Variants in LRRC37A2 observed in about 807,000 individuals in gnomAD.
LRRC37A2 encodes the protein leucine-rich repeat-containing protein 37A2.
In LRRC37A2, 9 loss-of-function variants were observed where a neutral mutation model predicts 68.8. The ratio of observed to expected loss-of-function variants is 0.13; its 90% CI spans 0.08 to 0.23. The LOEUF (loss-of-function observed/expected upper bound fraction) is 0.23. Among genes scored for constraint, LRRC37A2 ranks in the 10% least tolerant of loss-of-function variants. LRRC37A2 has a pLI of 1.00. For synonymous variants in LRRC37A2, 63 were observed against 367.6 expected, an observed-to-expected ratio of 0.17 and a Z score of 9.48; for missense variants, 168 against 950.4, an observed-to-expected ratio of 0.18 and a Z score of 10.82.
chr17:46,799,384 C>T, the LRRC37A2 span, among the ~76,000 whole-genome samples: 3 of 151,738 alleles, frequency 2.0e-5, no homozygotes, highest in Non-Finnish European at 4.4e-5. Context: ...AACCCTGCTA[C>T]ATTAGATGAC....
the LRRC37A2 span, among the ~76,000 whole-genome samples, chr17:46,946,016 C>T: frequency 6.6e-6 from 1 of 152,162 alleles, no homozygotes; most frequent in Admixed American, 6.5e-5. Flanking sequence ...AATCCAGGGG[C>T]CCTGGGAGAC....
At chr17:46,994,463 G>T in the LRRC37A2 span, among the ~76,000 whole-genome samples, 2 of 152,052 alleles carry the variant, frequency 1.3e-5, no homozygotes, top group African/African-American at 4.8e-5. Flanking sequence ...AGAAAGGAAT[G>T]GGGGAGGCTT....
the LRRC37A2 span, among the ~76,000 whole-genome samples, chr17:46,657,956 A>T: frequency 1.3e-5 from 1 of 78,752 alleles, no homozygotes; most frequent in African/African-American, 6.7e-5. Context: ...TTTTGTTTTT[A>T]TTTTATTTTA....
the LRRC37A2 span, among the ~76,000 whole-genome samples, chr17:46,785,950 A>C: frequency 6.6e-6 from 1 of 152,230 alleles, no homozygotes; most frequent in East Asian, 1.9e-4. Context: ...GCTCTGGCTG[A>C]TCTGATAAGA....
chr17:46,726,782 G>C, the LRRC37A2 span, among the ~76,000 whole-genome samples: 1 of 152,182 alleles, frequency 6.6e-6, no homozygotes, highest in African/African-American at 2.4e-5. Context: ...TGACATCAAT[G>C]ATAGTATTCA....
At chr17:46,970,748 G>T in the LRRC37A2 span, among the ~76,000 whole-genome samples, 1 of 152,164 alleles carries the variant, frequency 6.6e-6, no homozygotes, top group African/African-American at 2.4e-5. Context: ...AGTGATGTTT[G>T]CATAAAAGAG....
At chr17:46,707,246 C>T in the LRRC37A2 span, among the ~76,000 whole-genome samples, 3 of 152,188 alleles carry the variant, frequency 2.0e-5, no homozygotes, top group Non-Finnish European at 4.4e-5. Flanking sequence ...AGCATTTCTC[C>T]ATATGTTAAT....
the LRRC37A2 span, among the ~76,000 whole-genome samples, chr17:46,403,565 A>G: frequency 1.2e-5 from 1 of 85,096 alleles, no homozygotes; most frequent in Non-Finnish European, 3.0e-5. Flanking sequence ...GAGTATAGGA[A>G]GATTCTATAT....
At chr17:46,988,634 T>TG in the LRRC37A2 span, among the ~76,000 whole-genome samples, 1 of 151,772 alleles carries the variant, frequency 6.6e-6, no homozygotes, top group Non-Finnish European at 1.5e-5. Flanking sequence ...GTGGGCGGAG[T>TG]GGTCAGGCCA....
the LRRC37A2 span, among the ~76,000 whole-genome samples, chr17:46,731,964 G>A: frequency 6.6e-6 from 1 of 152,292 alleles, no homozygotes; most frequent in East Asian, 1.9e-4. Context: ...TTTTCAGGCT[G>A]ATCCAAGTGT....
chr17:46,811,038 C>T, the LRRC37A2 span, among the ~76,000 whole-genome samples: 3 of 152,076 alleles, frequency 2.0e-5, no homozygotes, highest in Non-Finnish European at 4.4e-5. Context: ...TGAGAAGGCC[C>T]GCCTCAGGGG....
chr17:46,906,151 C>T, the LRRC37A2 span, among the ~76,000 whole-genome samples: 1 of 152,196 alleles, frequency 6.6e-6, no homozygotes, highest in Non-Finnish European at 1.5e-5. Flanking sequence ...CTCCTGAGAT[C>T]CAGCCCATGA....
the LRRC37A2 span, among the ~76,000 whole-genome samples, chr17:46,846,644 C>T: frequency 6.6e-6 from 1 of 152,258 alleles, no homozygotes; most frequent in Non-Finnish European, 1.5e-5. Flanking sequence ...AGGGCTGCTT[C>T]TCTGCATTCA....
the LRRC37A2 span, chr17:46,922,955 C>G: frequency 2.0e-5 from 12 of 591,960 alleles, no homozygotes; most frequent in South Asian, 2.2e-4. Flanking sequence ...ACATGTACAC[C>G]GCCTTGCCCT....
chr17:46,893,008 A>G, the LRRC37A2 span, among the ~76,000 whole-genome samples: 1 of 151,420 alleles, frequency 6.6e-6, no homozygotes, highest in South Asian at 2.1e-4. Context: ...CGATCTTGGC[A>G]CACTGCAACC....
the LRRC37A2 span, among the ~76,000 whole-genome samples, chr17:46,610,027 T>TTCTTTCTTTCTCTCTC: frequency 1.4e-4 from 15 of 109,534 alleles, no homozygotes; most frequent in African/African-American, 4.6e-4. Context: ...CTTTCTTTCT[T>TTCTTTCTTTCTCTCTC]TCTCTCTCTC....
At chr17:46,737,908 A>ATATTAT in the LRRC37A2 span, among the ~76,000 whole-genome samples, 145 of 145,900 alleles carry the variant, frequency 9.9e-4, 2 homozygotes, top group Middle Eastern at 3.5e-3. Flanking sequence ...TAAAATTAGC[A>ATATTAT]TATTATTATT....
chr17:47,002,773 C>CTT, the LRRC37A2 span, among the ~76,000 whole-genome samples: 8 of 148,828 alleles, frequency 5.4e-5, no homozygotes, highest in Non-Finnish European at 9.0e-5. Context: ...CTTATTCATT[C>CTT]TTTTTTTTTT....
chr17:46,935,687 A>G, the LRRC37A2 span: 2 of 990,126 alleles, frequency 2.0e-6, no homozygotes, highest in South Asian at 4.6e-5. Context: ...TAGAGCTTCT[A>G]AAGCCCGTGC....
Sources: allele counts gnomAD v4.1 joint callset (sites outside exome capture counted in the v4.1 genomes callset), GRCh38; gene constraint gnomAD v4.1.1; transcripts MANE v1.5; gene names NCBI Gene and HGNC (gene_info 2026-07-23, HGNC 2026-07-21).